The following AP1AR variants were observed in gnomAD, a reference collection of about 807,000 sequenced individuals.
AP1AR encodes AP-1 complex-associated regulatory protein.
A neutral mutation model predicts 46.3 loss-of-function variants in AP1AR; 29 were observed. The ratio of observed to expected loss-of-function variants is 0.63; its 90% CI spans 0.47 to 0.85. AP1AR has a LOEUF of 0.85. Among genes scored for constraint, AP1AR ranks in the 40% least tolerant of loss-of-function variants. The pLI is 0.00. For synonymous variants in AP1AR, 122 were observed against 122.9 expected, an observed-to-expected ratio of 0.99 and a Z score of 0.05; for missense variants, 357 against 356.3, an observed-to-expected ratio of 1.00 and a Z score of -0.02.
intron 3 of AP1AR, among the ~76,000 whole-genome samples, chr4:112,255,595 A>G (rs1418926142): frequency 1.3e-5 from 2 of 152,130 alleles, no homozygotes; most frequent in Non-Finnish European, 2.9e-5. Flanking sequence ...TATAGTTTTC[A>G]TAGATTCTGA....
intron 1 of AP1AR, among the ~76,000 whole-genome samples, chr4:112,243,976 G>A (rs1355812810): frequency 3.3e-5 from 5 of 152,062 alleles, no homozygotes; most frequent in African/African-American, 7.2e-5. Flanking sequence ...ATCTGTTGAT[G>A]TGAAATGCAA....
In AP1AR at chr4:112,242,620, C is replaced by T. The variant is rs1725554091; in HGVS notation, c.83+10446C>T. Among the ~76,000 whole-genome samples, 3 of 152,124 alleles carry T rather than the reference C, an allele frequency of 2.0e-5. No homozygotes were observed. The South Asian group carries it at 6.2e-4, about 32-fold the overall frequency. ...GAGGAAGCAAGGAGGGAGTGCCAGG[C>T]TCTTTTTAACAACCTGCTTTCATGG... is the stretch of plus-strand genomic sequence containing the variant. On this transcript the variant is annotated intron_variant, in intron 1 of 9. Transcript: ENST00000274000.
In AP1AR at chr4:112,271,216, A is replaced by G. The variant is rs1327616422; in HGVS notation, c.*2807A>G. 6.6e-6 allele frequency among the ~76,000 whole-genome samples: 1 copy of G among 152,226 alleles called. No homozygotes were observed. Among genetic ancestry groups the G allele is most frequent in the African/African-American group, 2.4e-5 (1 of 41,464 alleles). On this transcript the variant is annotated 3_prime_UTR_variant, in exon 10 of 10. Coordinates refer to ENST00000274000, the MANE Select transcript of AP1AR (RefSeq NM_018569.6). Reference sequence around the variant, plus strand: ...CATCGTGATCCTCTCTGGATCCTCCATGGCAAGATAGGCCATCGTAAAGGA... The same window carrying G: ...CATCGTGATCCTCTCTGGATCCTCCGTGGCAAGATAGGCCATCGTAAAGGA...
At chr4:112,252,321 C>T (rs1725994185) in intron 1 of AP1AR, among the ~76,000 whole-genome samples, 2 of 152,174 alleles carry the variant, frequency 1.3e-5, no homozygotes, top group Non-Finnish European at 2.9e-5. Context: ...GCTTTCTGTC[C>T]ATGAATCCTG....
chr4:112,241,796 T>C (rs796344429), intron 1 of AP1AR, among the ~76,000 whole-genome samples: 20 of 152,346 alleles, frequency 1.3e-4, no homozygotes, highest in African/African-American at 4.6e-4. Flanking sequence ...GTTAAATCTC[T>C]ATTGAAATAT....
chr4:112,258,295 A>G (rs182126577), intron 4 of AP1AR, among the ~76,000 whole-genome samples: 2 of 152,304 alleles, frequency 1.3e-5, no homozygotes, highest in Admixed American at 6.5e-5. Context: ...TTCATATACA[A>G]TGTTATATTA....
rs1726765810 is a variant in AP1AR, at chr4:112,267,700, T to C, written c.644-444T>C. Among the ~76,000 whole-genome samples the C allele has an allele frequency of 2.0e-5, 3 of 151,986 alleles. No homozygotes were observed. In the South Asian group the frequency reaches 6.2e-4, roughly 31 times the overall value. ...TAAATCAGTTCATATCTGTGGCATATATGTCACATTAACTGGAACCTAGTA... is the reference window on the plus strand; with the variant it reads ...TAAATCAGTTCATATCTGTGGCATACATGTCACATTAACTGGAACCTAGTA... On this transcript the variant is annotated intron_variant, in intron 9 of 9. Transcript: ENST00000274000.
intron 6 of AP1AR, 36 bp from the exon 7 acceptor site, chr4:112,264,973 C>T (rs1726613024): frequency 1.3e-6 from 2 of 1,518,594 alleles, no homozygotes; most frequent in Non-Finnish European, 1.8e-6. Context: ...AATTTTACAA[C>T]AGAGTGATTT....
In AP1AR at chr4:112,273,081, CAAT is replaced by C. The variant is rs960715927; in HGVS notation, c.*4675_*4677del. 3.2e-4 allele frequency: 48 copies of C among 151,982 alleles called. No individual in the cohort carries two copies. Among genetic ancestry groups the C allele is most frequent in the African/African-American group, 9.6e-4 (40 of 41,456 alleles). 9.4% of individuals were successfully genotyped at this position (151,982 alleles called of 1,614,324 possible). ...AATCCTAAATGTAAAACAACAACAACAATAACAATAAAAATGGAGAGAAACAGA... is the reference window on the plus strand; with the variant it reads ...AATCCTAAATGTAAAACAACAACAACAACAATAAAAATGGAGAGAAACAGA... On this transcript the variant is annotated 3_prime_UTR_variant, in exon 10 of 10. Transcript: ENST00000274000.
intron 1 of AP1AR, among the ~76,000 whole-genome samples, chr4:112,247,209 A>G (rs1282814740): frequency 6.6e-6 from 1 of 152,224 alleles, no homozygotes; most frequent in African/African-American, 2.4e-5. Flanking sequence ...ATGGGAGGGG[A>G]AAAATTGCTG....
intron 8 of AP1AR, among the ~76,000 whole-genome samples, chr4:112,266,188 CA>C (rs1206571308): frequency 2.6e-5 from 4 of 151,660 alleles, no homozygotes; most frequent in African/African-American, 9.7e-5. Context: ...GTTTCAAAAG[CA>C]AAAACTCTTA....
At chr4:112,249,323 A>G (rs1725853195) in intron 1 of AP1AR, among the ~76,000 whole-genome samples, 1 of 149,468 alleles carries the variant, frequency 6.7e-6, no homozygotes, top group Non-Finnish European at 1.5e-5. Flanking sequence ...TTCCTCCTCC[A>G]ATCACGATCC....
Position 112,253,621 on chromosome 4 carries a change from A to C in AP1AR, c.132+365A>C, listed in dbSNP as rs1162824268. 4.6e-5 allele frequency among the ~76,000 whole-genome samples: 7 copies of C among 152,262 alleles called. No individual in the cohort carries two copies. In the East Asian group the frequency reaches 1.3e-3, roughly 29 times the overall value. On this transcript the variant is annotated intron_variant, in intron 2 of 9. Coordinates refer to ENST00000274000, the MANE Select transcript of AP1AR (RefSeq NM_018569.6). ...AGTTGAGTTTAAGCAACTCCACAGC[A>C]GAATGACCGAGTCACTTTTTCTTTG...
At position 112,269,817 on chromosome 4, in the gene AP1AR, TTAACA is replaced by T. The variant is rs1463075689; in HGVS notation, c.*1412_*1416del. ...GGTAATGCTATTATTTATATCTGTC[TTAACA>T]TAATTTAAGTTGTAGCTGTGTCTTG... On this transcript the variant is annotated 3_prime_UTR_variant, in exon 10 of 10. Transcript: ENST00000274000. 3.9e-5 allele frequency: 6 copies of T among 152,560 alleles called. No homozygotes were observed. Among genetic ancestry groups the T allele is most frequent in the African/African-American group, 9.6e-5 (4 of 41,458 alleles). 9.5% of individuals were successfully genotyped at this position (152,560 alleles called of 1,614,324 possible).
intron 3 of AP1AR, among the ~76,000 whole-genome samples, chr4:112,257,308 A>G (rs1726239181): frequency 6.6e-6 from 1 of 152,240 alleles, no homozygotes; most frequent in South Asian, 2.1e-4. Flanking sequence ...TTACTGCTCC[A>G]TGCCTGTCCT....
chr4:112,232,191 A>G lies in AP1AR; in HGVS notation c.83+17A>G. 4.7e-6 allele frequency: 6 copies of G among 1,267,392 alleles called. No homozygotes were observed. The highest frequency in any genetic ancestry group is 3.1e-5 in the East Asian group (1 of 31,820). 78.5% of individuals were successfully genotyped at this position (1,267,392 alleles called of 1,614,324 possible). On this transcript the variant is annotated intron_variant, in intron 1 of 9. Transcript: ENST00000274000. Reference sequence around the variant, plus strand: ...CGGCGGAGGGTAAGCCCGCTGGGGGAGGGGCCCGGCCCCCGTGGCTCCTCC... The same window carrying G: ...CGGCGGAGGGTAAGCCCGCTGGGGGGGGGGCCCGGCCCCCGTGGCTCCTCC...
At chr4:112,265,342 A>T (rs1309197404) in intron 7 of AP1AR, 2 of 379,682 alleles carry the variant, frequency 5.3e-6, no homozygotes, top group African/African-American at 2.1e-5. Context: ...TGAGTTGTTT[A>T]TACCCCAGTT....
At chr4:112,250,900 T>C (rs976186460) in intron 1 of AP1AR, among the ~76,000 whole-genome samples, 6 of 152,244 alleles carry the variant, frequency 3.9e-5, no homozygotes, top group Non-Finnish European at 5.9e-5. Context: ...ATATCACTTA[T>C]ATTCATGTTT....
chr4:112,238,959 T>C (rs952677022), intron 1 of AP1AR, among the ~76,000 whole-genome samples: 4 of 152,164 alleles, frequency 2.6e-5, no homozygotes, highest in African/African-American at 9.7e-5. Flanking sequence ...GTATCTGTAG[T>C]CACCTAAGCC....
Sources: allele counts gnomAD v4.1 joint callset (sites outside exome capture counted in the v4.1 genomes callset), GRCh38; gene constraint gnomAD v4.1.1; transcripts MANE v1.5; gene names NCBI Gene and HGNC (gene_info 2026-07-23, HGNC 2026-07-21).